Variants in DPY19L3 observed in about 807,000 individuals in gnomAD.
DPY19L3 encodes the protein dpy-19 like C-mannosyltransferase 3.
DPY19L3 carries 51 observed loss-of-function variants against 92.3 expected under a neutral mutation model. The ratio of observed to expected loss-of-function variants is 0.55; its 90% CI spans 0.44 to 0.70. DPY19L3 has a LOEUF of 0.70. Ranked by LOEUF, DPY19L3 falls within the 30% of genes least tolerant of loss-of-function variation. The pLI, the probability that DPY19L3 is intolerant of heterozygous loss-of-function variation, is 0.00. For missense variants in DPY19L3, 706 were observed against 855.9 expected, an observed-to-expected ratio of 0.82 and a Z score of 2.18; for synonymous variants, 309 against 315.2, an observed-to-expected ratio of 0.98 and a Z score of 0.21.
intron 10 of DPY19L3, among the ~76,000 whole-genome samples, chr19:32,456,074 A>ATT (rs1969854310): frequency 7.6e-6 from 1 of 131,768 alleles, no homozygotes; most frequent in African/African-American, 2.9e-5. Context: ...CTATGTCACT[A>ATT]TGTTCTTTTT....
At chr19:32,450,408 A>T (rs1031844997) in intron 8 of DPY19L3, among the ~76,000 whole-genome samples, 1 of 152,208 alleles carries the variant, frequency 6.6e-6, no homozygotes, top group Non-Finnish European at 1.5e-5. Flanking sequence ...AAATGAAAAC[A>T]TATCCATGCA....
chr19:32,454,900 A>T, intron 9 of DPY19L3, 39 bp from the exon 10 acceptor site: 1 of 1,333,672 alleles, frequency 7.5e-7, no homozygotes, highest in Non-Finnish European at 1.0e-6. Context: ...AAGTTATATT[A>T]AAACTTAAGA....
intron 15 of DPY19L3, among the ~76,000 whole-genome samples, 199 bp downstream of exon 15, chr19:32,464,983 G>T: frequency 6.6e-6 from 1 of 152,292 alleles, no homozygotes; most frequent in East Asian, 1.9e-4. Context: ...AAACATGATA[G>T]CGAAAACTAC....
Position 32,406,071 on chromosome 19 carries a change from C to G in DPY19L3, c.-38+162C>G, listed in dbSNP as rs1599572555. ...CGCGGCGTCGGGGCGTCGGGAGGGG[C>G]GGAGCGCGGGAGTGTCTGCCGGGAC... On this transcript the variant is annotated intron_variant, in intron 1 of 18. Coordinates refer to ENST00000392250, the MANE Select transcript of DPY19L3 (RefSeq NM_001172774.2). The G allele has an allele frequency of 2.0e-5, 3 of 151,602 alleles. No individual in the cohort carries two copies. The East Asian group carries it at 5.9e-4, about 30-fold the overall frequency. The allele number at this position is 151,602 out of a possible 1,614,324, so 9.4% of individuals were successfully genotyped here.
chr19:32,473,479 C>A lies in DPY19L3; in HGVS notation c.1698-4043C>A, dbSNP rs1281456588. Among the ~76,000 whole-genome samples the A allele has an allele frequency of 7.2e-5, 11 of 152,370 alleles. No individual in the cohort carries two copies. In the East Asian group the frequency reaches 2.1e-3, roughly 29 times the overall value. ...GAAGAGCACCCAGCATTATGTCCATCACTGTGCATGTTTTCAGCTAAGGAC... is the reference window on the plus strand; with the variant it reads ...GAAGAGCACCCAGCATTATGTCCATAACTGTGCATGTTTTCAGCTAAGGAC... On this transcript the variant is annotated intron_variant, in intron 16 of 18. Coordinates refer to ENST00000392250, the MANE Select transcript of DPY19L3 (RefSeq NM_001172774.2).
rs749083844 is a variant in DPY19L3, at chr19:32,436,467, A to G, written c.350A>G (p.Asp117Gly). ...ATAGGTTTTCATGGCCTAATATATG[A>G]TAATAAAACTGAATCTATGAAGACA... ...LVQGFHGLIY[D>G]NKTESMKTIN... is the part of the protein sequence containing the mutation. Residue 117 changes from aspartate (D) to glycine (G), a missense_variant, in exon 5 of 19, where the codon GAT becomes GGT. By Grantham distance (94) the Asp-to-Gly change is moderately conservative (BLOSUM62 -1). Coordinates refer to ENST00000392250, the MANE Select transcript of DPY19L3 (RefSeq NM_001172774.2). The G allele has an allele frequency of 7.8e-6, 12 of 1,542,700 alleles. No individual in the cohort carries two copies. The African/African-American group carries it at 1.2e-4, about 16-fold the overall frequency.
At position 32,428,850 on chromosome 19, in the gene DPY19L3, G is replaced by GT. The variant is rs1288648517; in HGVS notation, c.238-3864dup. Reference sequence around the variant, plus strand: ...TTTTTTTGTTTTTTTTCTTGTTGTTGTTGTTTGTTTGTTTTGAGACGGAGT... The same window carrying GT: ...TTTTTTTGTTTTTTTTCTTGTTGTTGTTTGTTTGTTTGTTTTGAGACGGAGT... On this transcript the variant is annotated intron_variant, in intron 3 of 18. Coordinates refer to ENST00000392250, the MANE Select transcript of DPY19L3 (RefSeq NM_001172774.2). Among the ~76,000 whole-genome samples the GT allele has an allele frequency of 2.3e-4, 34 of 144,880 alleles. 1 individual carries two copies. The highest frequency in any genetic ancestry group is 8.2e-4 in the African/African-American group (32 of 38,852).
At chr19:32,417,731 C>G (rs934251833) in intron 3 of DPY19L3, among the ~76,000 whole-genome samples, 2 of 152,208 alleles carry the variant, frequency 1.3e-5, no homozygotes, top group African/African-American at 4.8e-5. Flanking sequence ...GAGACCTCTC[C>G]ACCCTTGTGG....
intron 17 of DPY19L3, among the ~76,000 whole-genome samples, chr19:32,478,342 T>C (rs574931872): frequency 4.9e-4 from 75 of 152,208 alleles, no homozygotes; most frequent in African/African-American, 1.7e-3. Flanking sequence ...GAAGAGCGCA[T>C]TTGGGAGCAA....
intron 1 of DPY19L3, chr19:32,406,253 T>A (rs1224412859): frequency 2.6e-5 from 4 of 152,452 alleles, no homozygotes; most frequent in African/African-American, 9.7e-5. Flanking sequence ...CCCCTGTCCT[T>A]GGAGACCTAC....
chr19:32,455,553 T>C (rs192239001), intron 10 of DPY19L3, among the ~76,000 whole-genome samples: 2 of 152,304 alleles, frequency 1.3e-5, no homozygotes, highest in Admixed American at 1.3e-4. Flanking sequence ...CTTTCTGTAC[T>C]GTGGTACTTA....
At chr19:32,416,226 T>C (rs1034504838) in intron 3 of DPY19L3, among the ~76,000 whole-genome samples, 1 of 152,310 alleles carries the variant, frequency 6.6e-6, no homozygotes, top group South Asian at 2.1e-4. Flanking sequence ...TCTTGATTCA[T>C]TGTGTGGAAG....
intron 8 of DPY19L3, among the ~76,000 whole-genome samples, chr19:32,440,282 T>C (rs918223777): frequency 1.3e-5 from 2 of 152,204 alleles, no homozygotes; most frequent in East Asian, 3.8e-4. Context: ...TTTGTAGTAC[T>C]TTATAAAATT....
intron 12 of DPY19L3, among the ~76,000 whole-genome samples, chr19:32,462,578 C>T (rs1007116743): frequency 2.6e-5 from 4 of 152,084 alleles, no homozygotes; most frequent in African/African-American, 9.7e-5. Flanking sequence ...AAGCATGAAA[C>T]GTATAACCAC....
At chr19:32,429,153 A>G (rs755579780) in intron 3 of DPY19L3, among the ~76,000 whole-genome samples, 2 of 152,080 alleles carry the variant, frequency 1.3e-5, no homozygotes, top group Non-Finnish European at 2.9e-5. Flanking sequence ...GGCCAGCTGT[A>G]CAGTTCTTTA....
chr19:32,455,057 G>A lies in DPY19L3; in HGVS notation c.1089+17G>A. On this transcript the variant is annotated intron_variant, in intron 10 of 18. Coordinates refer to ENST00000392250, the MANE Select transcript of DPY19L3 (RefSeq NM_001172774.2). Reference sequence around the variant, plus strand: ...ATAATTAAGGTAAGTTAATAAAAATGACATGTTTAATGTATTTTTAATTAA... The same window carrying A: ...ATAATTAAGGTAAGTTAATAAAAATAACATGTTTAATGTATTTTTAATTAA... 1 of 1,415,092 alleles carries A rather than the reference G, an allele frequency of 7.1e-7. No homozygotes were observed. Among genetic ancestry groups the A allele is most frequent in the Non-Finnish European group, 9.6e-7 (1 of 1,040,038 alleles). 87.7% of individuals were successfully genotyped at this position (1,415,092 alleles called of 1,614,324 possible). A position where few individuals can be genotyped will look rare whatever the true frequency, so the allele number is the denominator to read the frequency against.
At chr19:32,451,487 A>G (rs17639548) in intron 8 of DPY19L3, among the ~76,000 whole-genome samples, 2 of 152,300 alleles carry the variant, frequency 1.3e-5, no homozygotes, top group South Asian at 2.1e-4. Context: ...AAGCAAAAGC[A>G]CTGAACTGCT....
At chr19:32,429,681 A>C (rs1968893598) in intron 3 of DPY19L3, among the ~76,000 whole-genome samples, 1 of 152,040 alleles carries the variant, frequency 6.6e-6, no homozygotes, top group African/African-American at 2.4e-5. Flanking sequence ...TTGGCTCTCC[A>C]GTTTGATTTG....
chr19:32,425,800 A>C (rs1010972484), intron 3 of DPY19L3, among the ~76,000 whole-genome samples: 1 of 152,106 alleles, frequency 6.6e-6, no homozygotes, highest in Non-Finnish European at 1.5e-5. Context: ...TCTTTAGTGC[A>C]CAAGCAGAGT....
Sources: gnomAD v4.1 joint callset for allele counts (sites outside exome capture counted in the v4.1 genomes callset) on GRCh38, gnomAD v4.1.1 for gene constraint, MANE v1.5 for transcripts, NCBI Gene and HGNC (gene_info 2026-07-23, HGNC 2026-07-21) for gene names.